RAB3C: variants seen among roughly 807,000 people sequenced by gnomAD.
RAB3C encodes the protein RAB3C, member RAS oncogene family.
A neutral mutation model predicts 26.4 loss-of-function variants in RAB3C; 17 were observed. That is an observed-to-expected ratio of 0.64 (90% confidence interval 0.44 to 0.97). The LOEUF (loss-of-function observed/expected upper bound fraction) is 0.97. Ranked by LOEUF, RAB3C falls within the 50% of genes least tolerant of loss-of-function variation. The pLI is 0.00. For missense variants in RAB3C, 242 were observed against 281.9 expected (o/e 0.86, Z 1.01); for synonymous variants, 91 against 95.9 (o/e 0.95, Z 0.30).
chr5:58,596,483 T>C (rs1746255995), intron 1 of RAB3C, among the ~76,000 whole-genome samples: 1 of 139,338 alleles, frequency 7.2e-6, no homozygotes, highest in African/African-American at 2.7e-5. Flanking sequence ...TTTACATATA[T>C]AGTAAATATA....
intron 2 of RAB3C, among the ~76,000 whole-genome samples, chr5:58,631,427 C>T (rs561361865): frequency 1.3e-5 from 2 of 152,342 alleles, no homozygotes; most frequent in African/African-American, 4.8e-5. Flanking sequence ...TGTTCAATTA[C>T]ATGAAGTTAT....
chr5:58,631,660 A>C (rs1231653678), intron 2 of RAB3C, among the ~76,000 whole-genome samples: 2 of 152,180 alleles, frequency 1.3e-5, no homozygotes, highest in South Asian at 4.1e-4. Context: ...GACTGATATA[A>C]ATTATTTCAT....
chr5:58,706,471 C>T (rs1748945391), intron 2 of RAB3C, among the ~76,000 whole-genome samples: 1 of 152,070 alleles, frequency 6.6e-6, no homozygotes, highest in Non-Finnish European at 1.5e-5. Context: ...GAGAATATAT[C>T]CATTTATACA....
At chr5:58,591,839 G>T (rs960004211) in intron 1 of RAB3C, among the ~76,000 whole-genome samples, 2 of 141,268 alleles carry the variant, frequency 1.4e-5, no homozygotes, top group East Asian at 2.1e-4. Context: ...ATTCTTTTTT[G>T]CTTAATTACA....
At chr5:58,842,446 C>T (rs1029827841) in intron 4 of RAB3C, among the ~76,000 whole-genome samples, 15 of 152,318 alleles carry the variant, frequency 9.8e-5, no homozygotes, top group African/African-American at 4.8e-5. Context: ...TGCCTGTAGG[C>T]ACCTGCTTTC....
intron 3 of RAB3C, among the ~76,000 whole-genome samples, chr5:58,731,346 G>T (rs948215121): frequency 6.6e-6 from 1 of 152,056 alleles, no homozygotes; most frequent in Non-Finnish European, 1.5e-5. Context: ...CTCACTGTAA[G>T]CCTATTTAGA....
intron 2 of RAB3C, among the ~76,000 whole-genome samples, chr5:58,657,307 G>T (rs1157078759): frequency 6.6e-6 from 1 of 151,918 alleles, no homozygotes; most frequent in Non-Finnish European, 1.5e-5. Context: ...CTCAGGTGAT[G>T]GGTGCACCAA....
chr5:58,809,645 T>C (rs1459877547), intron 3 of RAB3C, among the ~76,000 whole-genome samples: 2 of 152,138 alleles, frequency 1.3e-5, no homozygotes, highest in Non-Finnish European at 2.9e-5. Context: ...AGGTCAAGCC[T>C]CTGAGAGGTA....
At position 58,805,541 on chromosome 5, in the gene RAB3C, C is replaced by T. The variant is rs148897509; in HGVS notation, c.372-19497C>T. Among the ~76,000 whole-genome samples the T allele has an allele frequency of 9.7e-3, 1,421 of 147,118 alleles. 27 individuals carry two copies. The highest frequency in any genetic ancestry group is 0.034 in the African/African-American group (1,341 of 39,620). ...CAGACGTTGCAGTGAGCTGAGATCGCGCCACTGCACTCCACTCCAGCCTGG... is the reference window on the plus strand; with the variant it reads ...CAGACGTTGCAGTGAGCTGAGATCGTGCCACTGCACTCCACTCCAGCCTGG... On this transcript the variant is annotated intron_variant, in intron 3 of 4. Transcript: ENST00000282878.
At chr5:58,720,014 G>A (rs1740711309) in intron 2 of RAB3C, among the ~76,000 whole-genome samples, 1 of 151,874 alleles carries the variant, frequency 6.6e-6, no homozygotes, top group Non-Finnish European at 1.5e-5. Flanking sequence ...ATAGGTTCTG[G>A]GGTGAGGAAT....
chr5:58,734,191 A>G (rs573778343), intron 3 of RAB3C, among the ~76,000 whole-genome samples: 2 of 152,206 alleles, frequency 1.3e-5, no homozygotes, highest in African/African-American at 4.8e-5. Flanking sequence ...TTCACCTTCA[A>G]ATGTTCCCTT....
rs370091627 is a variant in RAB3C, at chr5:58,761,063, T to TCTCTCACACA, written c.371+34944_371+34945insTCTCACACAC. Among the ~76,000 whole-genome samples, 15 of 144,820 alleles carry TCTCTCACACA rather than the reference T, an allele frequency of 1.0e-4. No homozygotes were observed. In the East Asian group the frequency reaches 1.6e-3, roughly 16 times the overall value. ...CTCTCTCTCTCCCTCTCTCTCTCTC[T>TCTCTCACACA]CACACACACACACACACACACACAC... On this transcript the variant is annotated intron_variant, in intron 3 of 4. Coordinates refer to ENST00000282878, the MANE Select transcript of RAB3C (RefSeq NM_138453.4).
intron 2 of RAB3C, among the ~76,000 whole-genome samples, chr5:58,643,443 C>T (rs1486470942): frequency 6.6e-6 from 1 of 152,072 alleles, no homozygotes; most frequent in East Asian, 1.9e-4. Flanking sequence ...ATTTTTAGGA[C>T]CCTAGTAAAC....
At position 58,810,722 on chromosome 5, in the gene RAB3C, C is replaced by T. The variant is rs183873395; in HGVS notation, c.372-14316C>T. Among the ~76,000 whole-genome samples the T allele has an allele frequency of 2.2e-3, 334 of 152,198 alleles. 2 individuals are homozygous for T. Among genetic ancestry groups the T allele is most frequent in the African/African-American group, 7.9e-3 (328 of 41,538 alleles). ...AGCGATTCTCCTGCCTCAGCCTCCT[C>T]AGTAACTGGGACTACAGGCATGCAT... On this transcript the variant is annotated intron_variant, in intron 3 of 4. Transcript: ENST00000282878.
At chr5:58,633,580 T>G (rs1747230442) in intron 2 of RAB3C, among the ~76,000 whole-genome samples, 1 of 152,160 alleles carries the variant, frequency 6.6e-6, no homozygotes, top group Non-Finnish European at 1.5e-5. Flanking sequence ...ACTTTCCATA[T>G]CTGAATAAAA....
At chr5:58,711,008 C>G (rs1749048653) in intron 2 of RAB3C, among the ~76,000 whole-genome samples, 1 of 152,100 alleles carries the variant, frequency 6.6e-6, no homozygotes, top group Non-Finnish European at 1.5e-5. Flanking sequence ...CCATGAGGAT[C>G]AAAGCAATCA....
chr5:58,601,413 G>A (rs976575651), intron 1 of RAB3C, among the ~76,000 whole-genome samples: 2 of 152,062 alleles, frequency 1.3e-5, no homozygotes, highest in African/African-American at 4.8e-5. Flanking sequence ...AGTATCAAAA[G>A]GATTGGTACC....
chr5:58,820,023 A>G (rs1743304819), intron 3 of RAB3C, among the ~76,000 whole-genome samples: 1 of 152,206 alleles, frequency 6.6e-6, no homozygotes, highest in Non-Finnish European at 1.5e-5. Flanking sequence ...GTACGTGCAT[A>G]GAAAGTTATT....
intron 2 of RAB3C, among the ~76,000 whole-genome samples, chr5:58,678,879 G>C (rs1007778522): frequency 6.6e-6 from 1 of 152,056 alleles, no homozygotes; most frequent in Non-Finnish European, 1.5e-5. Flanking sequence ...TGGATGTAGG[G>C]TATAAATAGA....
Sources: allele counts gnomAD v4.1 joint callset (sites outside exome capture counted in the v4.1 genomes callset), GRCh38; gene constraint gnomAD v4.1.1; transcripts MANE v1.5; gene names NCBI Gene and HGNC (gene_info 2026-07-23, HGNC 2026-07-21).